The following STAB2 variants were observed in gnomAD, a reference collection of about 807,000 sequenced individuals.
STAB2 encodes the protein stabilin 2.
STAB2 carries 288 observed loss-of-function variants against 338.1 expected under a neutral mutation model. The observed-to-expected ratio is 0.85, with a 90% confidence interval of 0.77 to 0.94. The LOEUF is 0.94. Among genes scored for constraint, STAB2 ranks in the 40% least tolerant of loss-of-function variants. STAB2 has a pLI of 0.00. For missense variants in STAB2, 3,141 were observed against 3,210.1 expected (o/e 0.98, Z 0.52); for synonymous variants, 1,202 against 1,193.3 (o/e 1.01, Z -0.15).
chr12:103,647,322 T>A (rs1309758287), intron 9 of STAB2, among the ~76,000 whole-genome samples: 1 of 152,136 alleles, frequency 6.6e-6, no homozygotes, highest in African/African-American at 2.4e-5. Flanking sequence ...ACACGTGGAT[T>A]AACCATAAAA....
intron 26 of STAB2, among the ~76,000 whole-genome samples, chr12:103,683,908 AGT>A (rs1877159804): frequency 6.6e-6 from 1 of 152,152 alleles, no homozygotes; most frequent in Non-Finnish European, 1.5e-5. Context: ...CAGTGTTTGG[AGT>A]TCCAGGTAAC....
intron 17 of STAB2, among the ~76,000 whole-genome samples, chr12:103,662,435 T>G (rs1874703456): frequency 6.6e-6 from 1 of 152,222 alleles, no homozygotes; most frequent in African/African-American, 2.4e-5. Context: ...AACTCATCTA[T>G]TTGTTCACAG....
chr12:103,632,495 G>C (rs745607961), intron 6 of STAB2, among the ~76,000 whole-genome samples: 10 of 152,186 alleles, frequency 6.6e-5, no homozygotes, highest in Admixed American at 1.3e-4. Context: ...AACCCTCCAG[G>C]GCCTTGGGGA....
intron 3 of STAB2, among the ~76,000 whole-genome samples, chr12:103,619,613 A>G (rs140259574): frequency 1.3e-5 from 2 of 152,148 alleles, no homozygotes; most frequent in South Asian, 2.1e-4. Flanking sequence ...TACAATTCAG[A>G]TCTAGAATAT....
intron 56 of STAB2, among the ~76,000 whole-genome samples, chr12:103,744,740 C>T (rs577313330): frequency 7.2e-5 from 11 of 152,110 alleles, no homozygotes; most frequent in African/African-American, 2.2e-4. Flanking sequence ...CCCAAAGTGC[C>T]GGGATTACAG....
At chr12:103,603,219 C>T (rs1181277605) in intron 3 of STAB2, among the ~76,000 whole-genome samples, 4 of 152,136 alleles carry the variant, frequency 2.6e-5, no homozygotes, top group Non-Finnish European at 5.9e-5. Flanking sequence ...TACAGGCACC[C>T]GCAACCACGC....
At chr12:103,600,601 A>G (rs1956939459) in intron 3 of STAB2, among the ~76,000 whole-genome samples, 1 of 152,154 alleles carries the variant, frequency 6.6e-6, no homozygotes, top group South Asian at 2.1e-4. Context: ...GCTTCAACAT[A>G]TGAATTTAGG....
chr12:103,600,521 A>G (rs896328704), intron 3 of STAB2, among the ~76,000 whole-genome samples: 6 of 152,214 alleles, frequency 3.9e-5, no homozygotes. Flanking sequence ...CTCCACCCTG[A>G]TGGTTTCATC....
chr12:103,599,163 G>A (rs985227071), intron 3 of STAB2, among the ~76,000 whole-genome samples: 8 of 152,204 alleles, frequency 5.3e-5, no homozygotes, highest in Non-Finnish European at 8.8e-5. Flanking sequence ...TTAAACAAAG[G>A]TGGTGACATG....
rs538346576 is a variant in STAB2, at chr12:103,740,745, G to A, written c.5870G>A (p.Arg1957Gln). ...IPRCCKGYFG[R>Q]DCQACPGGPD... ...AGGTGCTGCAAGGGCTACTTCGGGC[G>A]AGACTGTCAGGGTGAGGGTGCCTCT... The change falls in exon 55 of 69, where the codon CGA (arginine) becomes CAA (glutamine). Residue 1957 changes from arginine (R) to glutamine (Q), a missense_variant. Coordinates refer to ENST00000388887, the MANE Select transcript of STAB2 (RefSeq NM_017564.10). The A allele has an allele frequency of 2.1e-5, 34 of 1,586,068 alleles. No individual in the cohort carries two copies. The highest frequency in any genetic ancestry group is 3.3e-4 in the Middle Eastern group (2 of 5,990).
chr12:103,636,508 A>G (rs547986572), intron 6 of STAB2, among the ~76,000 whole-genome samples: 200 of 151,762 alleles, frequency 1.3e-3, no homozygotes, highest in African/African-American at 4.7e-3. Flanking sequence ...CTATAATGAA[A>G]CCCACTGCAT....
chr12:103,671,137 T>G (rs1875746785), intron 22 of STAB2, among the ~76,000 whole-genome samples: 1 of 152,142 alleles, frequency 6.6e-6, no homozygotes, highest in African/African-American at 2.4e-5. Context: ...ATTCTTGAAG[T>G]GATAGTGGGC....
rs200223643 is a variant in STAB2, at chr12:103,704,574, G to T, written c.3860G>T (p.Cys1287Phe). 85 of 1,613,276 alleles carry T rather than the reference G, an allele frequency of 5.3e-5. No homozygotes were observed. The highest frequency in any genetic ancestry group is 1.7e-5 in the Admixed American group (1 of 59,862). ...TTIIRGRCRT[C>F]SSELTCPFGT... ...TTTACCAAGGGAAGATGTAGGACAT[G>T]CTCCTCAGAGCTGACCTGCCCATTC... is the stretch of plus-strand genomic sequence containing the variant. Residue 1287 changes from cysteine (C) to phenylalanine (F), a missense_variant, in exon 36 of 69, where the codon TGC becomes TTC. Physicochemically the swap from Cys to Phe is radical, Grantham distance 205. Coordinates refer to ENST00000388887, the MANE Select transcript of STAB2 (RefSeq NM_017564.10).
At position 103,587,337 on chromosome 12, in the gene STAB2, A is replaced by C; in HGVS notation, c.-140A>C. 1 of 733,472 alleles carries C rather than the reference A, an allele frequency of 1.4e-6. No individual in the cohort carries two copies. 45.4% of individuals were successfully genotyped at this position (733,472 alleles called of 1,614,324 possible). ...CAGGTCTCACCTATCTCCTGGTTCGATCTAGGAAAAAGGAAAGGAAGGGAT... is the reference window on the plus strand; with the variant it reads ...CAGGTCTCACCTATCTCCTGGTTCGCTCTAGGAAAAAGGAAAGGAAGGGAT... On this transcript the variant is annotated 5_prime_UTR_variant, in exon 1 of 69. Coordinates refer to ENST00000388887, the MANE Select transcript of STAB2 (RefSeq NM_017564.10).
At position 103,749,003 on chromosome 12, in the gene STAB2, G is replaced by A. The variant is rs753614959; in HGVS notation, c.6285G>A (p.Lys2095=). ...AACAGGACAACGGGGGCTGTGCAAA[G>A]GTGGCCAGATGCTCCCAGAAGGGCA... is the stretch of plus-strand genomic sequence containing the variant. ...FCKQDNGGCA[K]VARCSQKGTK... Residue 2095 remains lysine (K), a synonymous_variant, in exon 59 of 69, where the codon AAG becomes AAA. Coordinates refer to ENST00000388887, the MANE Select transcript of STAB2 (RefSeq NM_017564.10). 3.1e-6 allele frequency: 5 copies of A among 1,614,024 alleles called. No individual in the cohort carries two copies. Among genetic ancestry groups the A allele is most frequent in the Non-Finnish European group, 4.2e-6 (5 of 1,180,030 alleles).
At chr12:103,693,278 A>G (rs1318434693) in intron 31 of STAB2, among the ~76,000 whole-genome samples, 1 of 151,496 alleles carries the variant, frequency 6.6e-6, no homozygotes, top group East Asian at 1.9e-4. Flanking sequence ...ACATAATGAG[A>G]TCCTCTCTCT....
chr12:103,761,267 T>C (rs772585353), intron 65 of STAB2, 33 bp from the exon 66 acceptor site: 1 of 1,599,716 alleles, frequency 6.3e-7, no homozygotes, highest in Non-Finnish European at 8.6e-7. Context: ...ACTCGGAGAG[T>C]AAAAGCCATC....
chr12:103,728,123 C>T (rs1216463970), intron 47 of STAB2, among the ~76,000 whole-genome samples: 1 of 152,060 alleles, frequency 6.6e-6, no homozygotes, highest in Non-Finnish European at 1.5e-5. Flanking sequence ...ATTTTGTGGG[C>T]TTTTGATTAT....
intron 47 of STAB2, 26 bp downstream of exon 47, chr12:103,727,376 G>A (rs547478164): frequency 6.2e-7 from 1 of 1,612,532 alleles, no homozygotes. Context: ...TGGGCAGAAG[G>A]GGGAGGTCTG....
Sources: gnomAD v4.1 joint callset for allele counts (sites outside exome capture counted in the v4.1 genomes callset) on GRCh38, gnomAD v4.1.1 for gene constraint, MANE v1.5 for transcripts, NCBI Gene and HGNC (gene_info 2026-07-23, HGNC 2026-07-21) for gene names.